The following WWOX variants were observed in gnomAD, a reference collection of about 807,000 sequenced individuals.
WWOX encodes the protein WW domain-containing oxidoreductase.
A neutral mutation model predicts 46.2 loss-of-function variants in WWOX; 69 were observed. That is an observed-to-expected ratio of 1.49 (90% CI 1.23 to 1.82). The LOEUF is 1.82. Among genes scored for constraint, WWOX ranks in the 40% most tolerant of loss-of-function variants. WWOX has a pLI of 0.00. For missense variants in WWOX, 919 were observed against 542.6 expected, an observed-to-expected ratio of 1.69 and a Z score of -6.89; for synonymous variants, 359 against 202.6, an observed-to-expected ratio of 1.77 and a Z score of -6.56.
At chr16:78,936,167 G>C (rs1052921091) in intron 8 of WWOX, among the ~76,000 whole-genome samples, 5 of 152,174 alleles carry the variant, frequency 3.3e-5, no homozygotes, top group Non-Finnish European at 1.5e-5. Flanking sequence ...GACAGAAATA[G>C]AGAAGGCAAG....
intron 8 of WWOX, among the ~76,000 whole-genome samples, chr16:78,786,877 G>A (rs1000608383): frequency 1.3e-5 from 2 of 152,212 alleles, no homozygotes; most frequent in African/African-American, 4.8e-5. Context: ...GCTGGGCGTG[G>A]TGACTCACGC....
At chr16:78,333,897 A>T (rs1345753423) in intron 5 of WWOX, among the ~76,000 whole-genome samples, 1 of 152,054 alleles carries the variant, frequency 6.6e-6, no homozygotes, top group Non-Finnish European at 1.5e-5. Context: ...CAGTGAGAGC[A>T]GAAAAGGTAT....
At chr16:78,508,651 T>C (rs1174197893) in intron 8 of WWOX, among the ~76,000 whole-genome samples, 1 of 152,160 alleles carries the variant, frequency 6.6e-6, no homozygotes, top group Non-Finnish European at 1.5e-5. Context: ...GATAAGTAGT[T>C]GAAAGCTGAT....
intron 5 of WWOX, among the ~76,000 whole-genome samples, chr16:78,316,353 G>A (rs1438569138): frequency 6.6e-6 from 1 of 151,948 alleles, no homozygotes; most frequent in Non-Finnish European, 1.5e-5. Context: ...AATGGCCAGG[G>A]AATTTAAAAA....
intron 8 of WWOX, among the ~76,000 whole-genome samples, chr16:78,802,107 T>C (rs2050905773): frequency 6.6e-6 from 1 of 152,056 alleles, no homozygotes; most frequent in South Asian, 2.1e-4. Context: ...AATGTGCCTG[T>C]GCGTGAATCT....
At chr16:78,797,803 C>G (rs1055972714) in intron 8 of WWOX, among the ~76,000 whole-genome samples, 10 of 152,168 alleles carry the variant, frequency 6.6e-5, no homozygotes, top group Admixed American at 4.6e-4. Context: ...GTCTGGGCAA[C>G]ATAGCAAGTC....
chr16:78,849,785 A>C (rs983997431), intron 8 of WWOX, among the ~76,000 whole-genome samples: 8 of 151,914 alleles, frequency 5.3e-5, no homozygotes, highest in African/African-American at 1.9e-4. Context: ...ATAGAGTGAT[A>C]GGCTGGGCTG....
intron 8 of WWOX, among the ~76,000 whole-genome samples, chr16:79,178,995 G>A (rs1437055859): frequency 6.6e-6 from 1 of 152,186 alleles, no homozygotes; most frequent in East Asian, 1.9e-4. Context: ...CAAGGTAAAT[G>A]CAGCAGTGAG....
intron 8 of WWOX, among the ~76,000 whole-genome samples, chr16:78,665,125 C>T (rs937094331): frequency 3.9e-5 from 6 of 152,056 alleles, no homozygotes; most frequent in Non-Finnish European, 7.4e-5. Flanking sequence ...TAGCAGAGCC[C>T]GGGGCTTTGT....
chr16:79,093,728 T>C (rs2049011734), intron 8 of WWOX, among the ~76,000 whole-genome samples: 1 of 152,232 alleles, frequency 6.6e-6, no homozygotes, highest in Non-Finnish European at 1.5e-5. Flanking sequence ...ATCAAAAGGA[T>C]AATCAGATAT....
At chr16:78,261,898 T>C (rs1341009125) in intron 5 of WWOX, among the ~76,000 whole-genome samples, 2 of 149,552 alleles carry the variant, frequency 1.3e-5, no homozygotes, top group East Asian at 3.9e-4. Context: ...CATTAAGAAA[T>C]TGACTGTGTA....
intron 8 of WWOX, among the ~76,000 whole-genome samples, chr16:79,192,685 C>G (rs949544267): frequency 6.6e-6 from 1 of 152,140 alleles, no homozygotes; most frequent in African/African-American, 2.4e-5. Context: ...TTTCTTTTGC[C>G]TCTCACTTTT....
chr16:78,438,875 C>T (rs1025779576), intron 8 of WWOX, among the ~76,000 whole-genome samples: 5 of 152,140 alleles, frequency 3.3e-5, no homozygotes, highest in African/African-American at 1.2e-4. Context: ...CTAGAAAAAG[C>T]ACAAGATGTC....
At chr16:78,987,743 C>T (rs761387680) in intron 8 of WWOX, among the ~76,000 whole-genome samples, 1 of 152,160 alleles carries the variant, frequency 6.6e-6, no homozygotes, top group Non-Finnish European at 1.5e-5. Context: ...TATGTCGGCC[C>T]AAACTCTCTG....
chr16:78,582,154 A>G (rs1396563118), intron 8 of WWOX, among the ~76,000 whole-genome samples: 1 of 152,182 alleles, frequency 6.6e-6, no homozygotes, highest in East Asian at 1.9e-4. Flanking sequence ...GTACAGTTAT[A>G]TGTTCAGCAC....
At chr16:79,195,674 C>T (rs991120786) in intron 8 of WWOX, among the ~76,000 whole-genome samples, 2 of 152,166 alleles carry the variant, frequency 1.3e-5, no homozygotes, top group African/African-American at 4.8e-5. Context: ...GGTAAGCCAG[C>T]TTGTCTAGAC....
intron 8 of WWOX, among the ~76,000 whole-genome samples, chr16:79,166,421 A>G (rs756285120): frequency 5.3e-5 from 8 of 152,144 alleles, no homozygotes; most frequent in Non-Finnish European, 8.8e-5. Context: ...AGTTCATTCC[A>G]ATGATAAATC....
intron 8 of WWOX, among the ~76,000 whole-genome samples, chr16:79,032,679 TATAC>T (rs948318712): frequency 2.8e-5 from 4 of 144,938 alleles, no homozygotes; most frequent in African/African-American, 7.8e-5. Context: ...TATATATATA[TATAC>T]ACACACACAC....
intron 8 of WWOX, among the ~76,000 whole-genome samples, chr16:78,673,162 C>T (rs926043815): frequency 1.3e-5 from 2 of 152,304 alleles, no homozygotes; most frequent in Middle Eastern, 3.4e-3. Context: ...CATTCTCATT[C>T]ACGGGAGGCT....
Sources: allele counts gnomAD v4.1 joint callset (sites outside exome capture counted in the v4.1 genomes callset), GRCh38; gene constraint gnomAD v4.1.1; transcripts MANE v1.5; gene names NCBI Gene and HGNC (gene_info 2026-07-23, HGNC 2026-07-21).